Variants in CTNNA2 observed in about 807,000 individuals in gnomAD.
The protein encoded by CTNNA2 is catenin alpha 2, also known as catenin alpha-2.
In CTNNA2, 42 loss-of-function variants were observed where a neutral mutation model predicts 101.0. The ratio of observed to expected loss-of-function variants is 0.42; its 90% CI spans 0.32 to 0.54. The LOEUF is 0.54. Among genes scored for constraint, CTNNA2 ranks in the 20% least tolerant of loss-of-function variants. CTNNA2 has a pLI of 0.14. For synonymous variants in CTNNA2, 450 were observed against 456.4 expected (o/e 0.99, Z 0.18); for missense variants, 871 against 1,223.1 (o/e 0.71, Z 4.29).
At chr2:79,669,833 G>A (rs35625107) in intron 2 of CTNNA2, among the ~76,000 whole-genome samples, 8,425 of 152,224 alleles carry the variant, frequency 0.055, 304 homozygotes, top group Non-Finnish European at 0.073. Context: ...TTTATTGACC[G>A]CAGAGGGGAG....
At chr2:79,825,573 G>A (rs1678373176) in intron 3 of CTNNA2, among the ~76,000 whole-genome samples, 1 of 152,160 alleles carries the variant, frequency 6.6e-6, no homozygotes, top group Non-Finnish European at 1.5e-5. Context: ...GGTTTGAGCA[G>A]CCGGGGAGAG....
At chr2:79,688,386 T>C (rs1311670113) in intron 2 of CTNNA2, among the ~76,000 whole-genome samples, 4 of 151,936 alleles carry the variant, frequency 2.6e-5, no homozygotes, top group African/African-American at 9.7e-5. Context: ...AATTAAGGCT[T>C]TAAAATGGCA....
intron 7 of CTNNA2, among the ~76,000 whole-genome samples, chr2:80,241,419 C>T (rs190547939): frequency 6.6e-6 from 1 of 151,556 alleles, no homozygotes. Context: ...TACTTTAAAG[C>T]ATTTTAGGAA....
Position 79,902,171 on chromosome 2 carries a change from G to A in CTNNA2, c.853-7423G>A, listed in dbSNP as rs560349337. Among the ~76,000 whole-genome samples the A allele has an allele frequency of 1.2e-4, 19 of 152,290 alleles. No individual in the cohort carries two copies. The South Asian group carries it at 3.7e-3, about 30-fold the overall frequency. Reference sequence around the variant, plus strand: ...ACTTTAGTTTTTGAAATGGGGAAATGGCTGTTGCATTGATTCCCTCACGAT... The same window carrying A: ...ACTTTAGTTTTTGAAATGGGGAAATAGCTGTTGCATTGATTCCCTCACGAT... On this transcript the variant is annotated intron_variant, in intron 6 of 18. Coordinates refer to ENST00000402739, the MANE Select transcript of CTNNA2 (RefSeq NM_001282597.3).
rs796584351 is a variant in CTNNA2, at chr2:80,270,740, A to G, written c.1057-122471A>G. ...TAGGCAGTTCAACACCTATCAGGTA[A>G]ACATGTCTGAGACTTCAGAAGAAGA... On this transcript the variant is annotated intron_variant, in intron 7 of 18. Transcript: ENST00000402739. Among the ~76,000 whole-genome samples, 65 of 152,342 alleles carry G rather than the reference A, an allele frequency of 4.3e-4. 1 individual carries two copies. The highest frequency in any genetic ancestry group is 1.4e-3 in the African/African-American group (60 of 41,588).
chr2:80,458,472 T>C (rs2149468136), intron 9 of CTNNA2, among the ~76,000 whole-genome samples: 1 of 152,338 alleles, frequency 6.6e-6, no homozygotes, highest in South Asian at 2.1e-4. Context: ...CCCTAAAATA[T>C]GTAGACTATT....
chr2:80,254,018 T>C (rs973245340), intron 7 of CTNNA2, among the ~76,000 whole-genome samples: 12 of 152,202 alleles, frequency 7.9e-5, no homozygotes, highest in Non-Finnish European at 1.6e-4. Flanking sequence ...TTTTAAGTAA[T>C]TTGCATGCCA....
intron 3 of CTNNA2, among the ~76,000 whole-genome samples, chr2:79,755,703 T>C (rs557722472): frequency 1.3e-5 from 2 of 152,334 alleles, no homozygotes; most frequent in South Asian, 2.1e-4. Context: ...GTAAATCTTA[T>C]GCTTCTAAAG....
At chr2:80,085,404 G>A (rs1699377902) in intron 7 of CTNNA2, among the ~76,000 whole-genome samples, 1 of 151,992 alleles carries the variant, frequency 6.6e-6, no homozygotes, top group Non-Finnish European at 1.5e-5. Context: ...AAGGGCACAA[G>A]GACATCAAAT....
chr2:79,782,190 G>A (rs1481664669), intron 3 of CTNNA2, among the ~76,000 whole-genome samples: 4 of 151,938 alleles, frequency 2.6e-5, no homozygotes, highest in Admixed American at 6.6e-5. Flanking sequence ...GCAAACTTTG[G>A]AAGAGTTAGC....
intron 7 of CTNNA2, among the ~76,000 whole-genome samples, chr2:79,967,723 T>C (rs1255527846): frequency 6.6e-6 from 1 of 152,210 alleles, no homozygotes; most frequent in African/African-American, 2.4e-5. Flanking sequence ...CCTAAGTATA[T>C]ACTCCAAAGA....
intron 9 of CTNNA2, among the ~76,000 whole-genome samples, chr2:80,438,222 G>C (rs548950084): frequency 6.6e-6 from 1 of 152,034 alleles, no homozygotes; most frequent in Admixed American, 6.6e-5. Flanking sequence ...CTCCTCCTGC[G>C]TCCAGTTTTT....
intron 18 of CTNNA2, among the ~76,000 whole-genome samples, chr2:80,635,188 G>C (rs1003987944): frequency 5.3e-5 from 8 of 152,104 alleles, no homozygotes; most frequent in African/African-American, 1.9e-4. Context: ...AAAATTATTT[G>C]AATGTGTGTT....
intron 9 of CTNNA2, among the ~76,000 whole-genome samples, chr2:80,455,440 C>A (rs577109796): frequency 2.6e-5 from 4 of 152,228 alleles, no homozygotes; most frequent in South Asian, 4.1e-4. Flanking sequence ...TAGCAAGATT[C>A]TTTTTGTTTC....
chr2:79,222,277 C>T (rs1398557292), intron 2 of CTNNA2, among the ~76,000 whole-genome samples: 4 of 152,226 alleles, frequency 2.6e-5, no homozygotes, highest in African/African-American at 9.6e-5. Context: ...AAATAAACCA[C>T]TACTGAGGGT....
intron 3 of CTNNA2, among the ~76,000 whole-genome samples, chr2:79,745,166 C>A (rs1252953775): frequency 6.6e-6 from 1 of 152,108 alleles, no homozygotes; most frequent in Non-Finnish European, 1.5e-5. Context: ...TGCGGTGGCT[C>A]ACACCTGTAT....
chr2:80,006,617 G>T (rs980964928), intron 7 of CTNNA2, among the ~76,000 whole-genome samples: 1 of 152,062 alleles, frequency 6.6e-6, no homozygotes, highest in African/African-American at 2.4e-5. Flanking sequence ...GCTTCAGCCC[G>T]TGCAAATTTC....
intron 7 of CTNNA2, among the ~76,000 whole-genome samples, chr2:80,379,974 G>C (rs755685066): frequency 2.0e-5 from 3 of 149,634 alleles, no homozygotes; most frequent in African/African-American, 7.4e-5. Context: ...CCTAAGTTAC[G>C]TAAAAGTTTT....
At chr2:79,691,405 A>G (rs183006771) in intron 2 of CTNNA2, among the ~76,000 whole-genome samples, 82 of 152,118 alleles carry the variant, frequency 5.4e-4, no homozygotes, top group Non-Finnish European at 1.1e-3. Context: ...TCTGCAAAGA[A>G]TGAATAGTAA....
Sources: gnomAD v4.1 joint callset for allele counts (sites outside exome capture counted in the v4.1 genomes callset) on GRCh38, gnomAD v4.1.1 for gene constraint, MANE v1.5 for transcripts, NCBI Gene and HGNC (gene_info 2026-07-23, HGNC 2026-07-21) for gene names.